Variants in TCP11L1 observed in about 807,000 individuals in gnomAD.
TCP11L1 encodes the protein t-complex 11 like 1.
Under a neutral mutation model 48.9 loss-of-function variants are expected in TCP11L1, and 28 were observed. The observed-to-expected ratio is 0.57, with a 90% CI of 0.42 to 0.78. The LOEUF (loss-of-function observed/expected upper bound fraction) is 0.78, where lower values mean the gene tolerates loss of function less well. Among genes scored for constraint, TCP11L1 ranks in the 30% least tolerant of loss-of-function variants. The pLI is 0.00. For missense variants in TCP11L1, 505 were observed against 613.4 expected (o/e 0.82, Z 1.87); for synonymous variants, 204 against 231.9 (o/e 0.88, Z 1.09).
At chr11:33,041,952 GAA>G (rs1436307282) in intron 1 of TCP11L1, among the ~76,000 whole-genome samples, 1 of 152,156 alleles carries the variant, frequency 6.6e-6, no homozygotes, top group African/African-American at 2.4e-5. Flanking sequence ...ATGTGTGTAA[GAA>G]AGTCTAATTA....
At chr11:33,054,784 A>T in intron 3 of TCP11L1, 59 bp downstream of exon 3, 1 of 1,551,084 alleles carries the variant, frequency 6.4e-7, no homozygotes, top group Non-Finnish European at 8.7e-7. Context: ...CAGTTTTGAA[A>T]ATGTTTCCTT....
intron 1 of TCP11L1, chr11:33,040,699 C>T (rs1472178926): frequency 6.6e-6 from 1 of 152,174 alleles, no homozygotes; most frequent in African/African-American, 2.4e-5. Flanking sequence ...TCATCTCTAG[C>T]CACTTCCTTT....
At chr11:33,052,714 G>T (rs570998700) in intron 2 of TCP11L1, among the ~76,000 whole-genome samples, 59 of 152,250 alleles carry the variant, frequency 3.9e-4, no homozygotes, top group Non-Finnish European at 7.5e-4. Flanking sequence ...TTCTGGGCCG[G>T]CTGCTGTGGC....
chr11:33,046,101 C>T (rs964852522), intron 2 of TCP11L1, among the ~76,000 whole-genome samples: 3 of 152,352 alleles, frequency 2.0e-5, no homozygotes, highest in African/African-American at 7.2e-5. Flanking sequence ...GGTTTTATGC[C>T]CTGGGCTTAG....
rs1564979411 is a variant in TCP11L1, at chr11:33,054,617, TAGA to T, written c.193_195del (p.Glu65del). 1.2e-6 allele frequency: 2 copies of T among 1,613,688 alleles called. No individual in the cohort carries two copies. The highest frequency in any genetic ancestry group is 2.2e-5 in the East Asian group (1 of 44,842). ...GCTAGTCCTCCTCGCTTTGTGACAG[TAGA>T]AGAACTTCTAGAGACAGCGAGAGGT... On this transcript the variant is annotated inframe_deletion, in exon 3 of 10. Transcript: ENST00000334274.
Position 33,071,313 on chromosome 11 carries a change from C to T in TCP11L1, c.1328-1161C>T, listed in dbSNP as rs1027422391. Among the ~76,000 whole-genome samples, 7 of 151,032 alleles carry T rather than the reference C, an allele frequency of 4.6e-5. No homozygotes were observed. In the South Asian group the frequency reaches 8.3e-4, roughly 18 times the overall value. On this transcript the variant is annotated intron_variant, in intron 9 of 9. Coordinates refer to ENST00000334274, the MANE Select transcript of TCP11L1 (RefSeq NM_018393.4). ...TGGGCGACAGAGTGAAACTGTGTCT[C>T]GAGAAAAAAAAAGAGTAAGGGTGTT... is the stretch of plus-strand genomic sequence containing the variant.
At chr11:33,053,904 A>T (rs1854236360) in intron 2 of TCP11L1, among the ~76,000 whole-genome samples, 1 of 151,938 alleles carries the variant, frequency 6.6e-6, no homozygotes, top group Non-Finnish European at 1.5e-5. Context: ...ATCATAGCTC[A>T]CTGCAGGTTC....
chr11:33,061,118 G>T (rs1171807484), intron 6 of TCP11L1, among the ~76,000 whole-genome samples: 1 of 152,148 alleles, frequency 6.6e-6, no homozygotes, highest in African/African-American at 2.4e-5. Flanking sequence ...ACCATGCCCA[G>T]CTAATTTTTG....
chr11:33,068,168 C>A (rs752708956), intron 8 of TCP11L1, among the ~76,000 whole-genome samples: 31 of 152,236 alleles, frequency 2.0e-4, no homozygotes, highest in Non-Finnish European at 3.8e-4. Context: ...CCTGATCCAT[C>A]TGCCTTGGCC....
chr11:33,051,383 G>A (rs1390563683), intron 2 of TCP11L1, among the ~76,000 whole-genome samples: 1 of 151,716 alleles, frequency 6.6e-6, no homozygotes, highest in Non-Finnish European at 1.5e-5. Context: ...TAGCCAGGAT[G>A]GTCTTGTTCT....
chr11:33,042,809 T>G (rs529436037), intron 1 of TCP11L1, among the ~76,000 whole-genome samples: 1 of 152,300 alleles, frequency 6.6e-6, no homozygotes, highest in African/African-American at 2.4e-5. Flanking sequence ...GGCTCACGCC[T>G]GTAATCCCAG....
chr11:33,057,899 G>A lies in TCP11L1; in HGVS notation c.418-20G>A, dbSNP rs2273548. On this transcript the variant is annotated intron_variant, in intron 4 of 9. Transcript: ENST00000334274. ...GATGTCTAAAGAATTTTGATTAAAC[G>A]TAGCTGTGTTCTCTTGTAGACTCTC... is the stretch of plus-strand genomic sequence containing the variant. 3.5e-5 allele frequency: 56 copies of A among 1,582,444 alleles called. No homozygotes were observed. Among genetic ancestry groups the A allele is most frequent in the Admixed American group, 1.1e-4 (6 of 52,358 alleles).
rs1393601925 is a variant in TCP11L1, at chr11:33,043,733, G to A, written c.-24-17G>A. ...AGAATACTTTTAGTTCTTTTTTTTT[G>A]TTTTTTTCTTTCCTAGGAAAGTGAA... On this transcript the variant is annotated splice_polypyrimidine_tract_variant and intron_variant, in intron 1 of 9. Transcript: ENST00000334274. 8 of 1,550,286 alleles carry A rather than the reference G, an allele frequency of 5.2e-6. No homozygotes were observed. The South Asian group carries it at 9.8e-5, about 19-fold the overall frequency.
chr11:33,046,227 G>A (rs1198484113), intron 2 of TCP11L1, among the ~76,000 whole-genome samples: 4 of 152,272 alleles, frequency 2.6e-5, no homozygotes, highest in African/African-American at 9.6e-5. Context: ...TTTACATTAA[G>A]TGAGACATGC....
intron 1 of TCP11L1, chr11:33,041,063 TAGCCA>T (rs1853817510): frequency 6.6e-6 from 1 of 152,172 alleles, no homozygotes; most frequent in East Asian, 1.9e-4. Context: ...AAATGTCAAC[TAGCCA>T]GCCCTGCAGG....
chr11:33,070,034 AACC>A (rs1854732808), intron 9 of TCP11L1, among the ~76,000 whole-genome samples: 3 of 152,016 alleles, frequency 2.0e-5, no homozygotes, highest in Admixed American at 1.3e-4. Context: ...ACAGATTGAA[AACC>A]AGCCCTTAAG....
chr11:33,057,211 C>T lies in TCP11L1; in HGVS notation c.393C>T (p.Ile131=). 1 of 1,614,000 alleles carries T rather than the reference C, an allele frequency of 6.2e-7. No homozygotes were observed. The highest frequency in any genetic ancestry group is 8.5e-7 in the Non-Finnish European group (1 of 1,180,002). ...ATCCCCCAGCATATGACCATGCTATCAAACTTGTAGGAGAAATCAAAGAGG... is the reference window on the plus strand; with the variant it reads ...ATCCCCCAGCATATGACCATGCTATTAAACTTGTAGGAGAAATCAAAGAGG... The part of the protein sequence containing the change: ...SEDPPAYDHA[I]KLVGEIKETL... The change falls in exon 4 of 10, where the codon ATC becomes ATT. Residue 131 remains isoleucine, a synonymous_variant. Coordinates refer to ENST00000334274, the MANE Select transcript of TCP11L1 (RefSeq NM_018393.4).
chr11:33,063,806 C>T (rs1173819504), intron 7 of TCP11L1, among the ~76,000 whole-genome samples: 1 of 152,164 alleles, frequency 6.6e-6, no homozygotes, highest in Non-Finnish European at 1.5e-5. Flanking sequence ...AAGTTGTGAG[C>T]TTAAGGTTTC....
chr11:33,040,536 CAG>C (rs1853800185), intron 1 of TCP11L1: 1 of 152,248 alleles, frequency 6.6e-6, no homozygotes, highest in Admixed American at 6.5e-5. Flanking sequence ...TCTCTATCAA[CAG>C]ATACTTGTGG....
Sources: gnomAD v4.1 joint callset for allele counts (sites outside exome capture counted in the v4.1 genomes callset) on GRCh38, gnomAD v4.1.1 for gene constraint, MANE v1.5 for transcripts, NCBI Gene and HGNC (gene_info 2026-07-23, HGNC 2026-07-21) for gene names.